ATP8B4: variants seen among roughly 807,000 people sequenced by gnomAD.
ATP8B4 encodes the protein ATPase phospholipid transporting 8B4 (putative), also known as probable phospholipid-transporting ATPase IM.
ATP8B4 carries 133 observed loss-of-function variants against 145.6 expected under a neutral mutation model. That is an observed-to-expected ratio of 0.91 (90% CI 0.79 to 1.05). The LOEUF (loss-of-function observed/expected upper bound fraction) is 1.05, where lower values mean the gene tolerates loss of function less well. ATP8B4 is among the 50% of genes least tolerant of loss of function. ATP8B4 has a pLI of 0.00. For synonymous variants in ATP8B4, 507 were observed against 492.9 expected (o/e 1.03, Z -0.38); for missense variants, 1,458 against 1,425.2 (o/e 1.02, Z -0.37).
chr15:50,164,707 C>T (rs2044570442), intron 1 of ATP8B4, among the ~76,000 whole-genome samples: 1 of 152,230 alleles, frequency 6.6e-6, no homozygotes, highest in Non-Finnish European at 1.5e-5. Flanking sequence ...TCTAGATGAC[C>T]TTTCAAGTTT....
intron 1 of ATP8B4, among the ~76,000 whole-genome samples, chr15:50,170,749 A>G (rs1233662056): frequency 6.6e-6 from 1 of 152,224 alleles, no homozygotes; most frequent in African/African-American, 2.4e-5. Flanking sequence ...TGCTCCACTT[A>G]AAAGATACAG....
Position 49,901,172 on chromosome 15 carries a change from T to C in ATP8B4, c.2209A>G (p.Lys737Glu). 1 of 1,613,688 alleles carries C rather than the reference T, an allele frequency of 6.2e-7. No individual in the cohort carries two copies. The highest frequency in any genetic ancestry group is 1.7e-4 in the Middle Eastern group (1 of 6,058). Residue 737 changes from lysine (K) to glutamate (E), a missense_variant, in exon 21 of 28, where the codon AAG (lysine) becomes GAG (glutamate). Coordinates refer to ENST00000284509, the MANE Select transcript of ATP8B4 (RefSeq NM_024837.4). ...ATAGAATCCAACTCCAGCTGCTGCT[T>C]TTTTTCACAAACTACATGGCCATTG... ...FSNGHVVCEK[K>E]QQLELDSIVE...
At chr15:50,156,880 G>C (rs1307469487) in intron 1 of ATP8B4, among the ~76,000 whole-genome samples, 1 of 152,198 alleles carries the variant, frequency 6.6e-6, no homozygotes, top group Admixed American at 6.5e-5. Flanking sequence ...TGGTATTTTA[G>C]ATTGTGGTGA....
chr15:50,126,146 T>C (rs550912544), intron 1 of ATP8B4, among the ~76,000 whole-genome samples: 1 of 149,818 alleles, frequency 6.7e-6, no homozygotes, highest in Non-Finnish European at 1.5e-5. Flanking sequence ...TGTGGAGGTG[T>C]CACGGGAAAC....
Position 49,976,674 on chromosome 15 carries a change from T to C in ATP8B4, c.1034+2943A>G, listed in dbSNP as rs111534783. Among the ~76,000 whole-genome samples the C allele has an allele frequency of 5.7e-3, 867 of 152,252 alleles. 7 individuals carry two copies. The highest frequency in any genetic ancestry group is 8.8e-3 in the Non-Finnish European group (601 of 68,010). ...ATTTGATTGTTGTGTTATAGTATAA[T>C]CCAATGGAAGTATTCAAAATTTATT... is the stretch of plus-strand genomic sequence containing the variant. On this transcript the variant is annotated intron_variant, in intron 12 of 27. Coordinates refer to ENST00000284509, the MANE Select transcript of ATP8B4 (RefSeq NM_024837.4).
intron 20 of ATP8B4, among the ~76,000 whole-genome samples, chr15:49,903,851 G>A (rs997962346): frequency 7.9e-5 from 12 of 151,164 alleles, no homozygotes; most frequent in Admixed American, 1.3e-4. Flanking sequence ...CCAAGATGGC[G>A]CCATTGCACT....
intron 14 of ATP8B4, among the ~76,000 whole-genome samples, chr15:49,960,880 C>T (rs1006045356): frequency 6.6e-6 from 1 of 152,166 alleles, no homozygotes; most frequent in Non-Finnish European, 1.5e-5. Context: ...CGCCTGTAAT[C>T]CCAGCACTTT....
intron 1 of ATP8B4, among the ~76,000 whole-genome samples, chr15:50,159,971 G>C (rs1238014529): frequency 7.5e-6 from 1 of 133,906 alleles, no homozygotes; most frequent in Non-Finnish European, 1.6e-5. Context: ...GATTGATATT[G>C]GTTCTTCTTT....
chr15:50,042,904 G>A (rs754934819), intron 5 of ATP8B4, among the ~76,000 whole-genome samples: 33 of 152,116 alleles, frequency 2.2e-4, no homozygotes, highest in Non-Finnish European at 3.5e-4. Flanking sequence ...AGAGCCAATG[G>A]GCCATATAGA....
intron 18 of ATP8B4, 86 bp downstream of exon 18, chr15:49,920,160 T>C: frequency 6.7e-7 from 1 of 1,486,408 alleles, no homozygotes; most frequent in Middle Eastern, 2.0e-4. Context: ...CAAGATGACT[T>C]AGCCAATGGC....
intron 1 of ATP8B4, among the ~76,000 whole-genome samples, chr15:50,161,505 CTTTTTA>C (rs1365780006): frequency 1.3e-5 from 2 of 151,920 alleles, no homozygotes; most frequent in South Asian, 2.1e-4. Flanking sequence ...TTATCTCTTA[CTTTTTA>C]TTTTTATGTA....
chr15:49,956,473 C>T (rs541281063), intron 14 of ATP8B4, among the ~76,000 whole-genome samples: 3 of 152,080 alleles, frequency 2.0e-5, no homozygotes, highest in Non-Finnish European at 4.4e-5. Flanking sequence ...TCCCTAAAAC[C>T]ATCCAGAGAA....
At chr15:50,096,619 A>G (rs2056004784) in intron 2 of ATP8B4, among the ~76,000 whole-genome samples, 1 of 152,186 alleles carries the variant, frequency 6.6e-6, no homozygotes, top group Admixed American at 6.5e-5. Context: ...TAAGGACTGC[A>G]ATGCTGCCTC....
chr15:49,997,112 G>A (rs2047495083), intron 8 of ATP8B4, among the ~76,000 whole-genome samples: 1 of 152,066 alleles, frequency 6.6e-6, no homozygotes, highest in Admixed American at 6.6e-5. Flanking sequence ...AAATAAAGGA[G>A]GCTAATATCA....
chr15:50,037,616 G>A (rs1319165265), intron 6 of ATP8B4, among the ~76,000 whole-genome samples: 3 of 152,156 alleles, frequency 2.0e-5, no homozygotes, highest in Admixed American at 2.0e-4. Flanking sequence ...GTCTCTCAGT[G>A]CAAAATGCAT....
chr15:50,102,158 A>C (rs1284782694), intron 2 of ATP8B4, among the ~76,000 whole-genome samples: 1 of 152,124 alleles, frequency 6.6e-6, no homozygotes, highest in Non-Finnish European at 1.5e-5. Flanking sequence ...GCACAAATAG[A>C]CAATCTAAGG....
rs548471126 is a variant in ATP8B4, at chr15:50,172,634, C to T, written c.-43+9627G>A. 9.9e-5 allele frequency among the ~76,000 whole-genome samples: 15 copies of T among 152,096 alleles called. No homozygotes were observed. The East Asian group carries it at 1.8e-3, about 18-fold the overall frequency. ...CTGGGATGTGAGGAGCCCCTCTGCCCGGCCACCCAGTCTGGGAAGTGAGGA... is the reference window on the plus strand; with the variant it reads ...CTGGGATGTGAGGAGCCCCTCTGCCTGGCCACCCAGTCTGGGAAGTGAGGA... On this transcript the variant is annotated intron_variant, in intron 1 of 3. Transcript: ENST00000558829.
chr15:49,950,602 ACAAAC>A (rs372842716), intron 14 of ATP8B4, among the ~76,000 whole-genome samples: 9 of 115,922 alleles, frequency 7.8e-5, no homozygotes, highest in Middle Eastern at 4.8e-3. Context: ...AAAAAAAAAA[ACAAAC>A]AAACAAACAA....
intron 16 of ATP8B4, among the ~76,000 whole-genome samples, chr15:49,929,539 T>C (rs1412300797): frequency 1.3e-5 from 2 of 151,992 alleles, no homozygotes; most frequent in Non-Finnish European, 2.9e-5. Context: ...TAGAAAGAGA[T>C]CGAAGCTAAA....
Sources: allele counts gnomAD v4.1 joint callset (sites outside exome capture counted in the v4.1 genomes callset), GRCh38; gene constraint gnomAD v4.1.1; transcripts MANE v1.5; gene names NCBI Gene and HGNC (gene_info 2026-07-23, HGNC 2026-07-21).